FMNL2: variants seen among roughly 807,000 people sequenced by gnomAD.
FMNL2 encodes the protein formin like 2, also known as formin-like protein 2.
Under a neutral mutation model 130.2 loss-of-function variants are expected in FMNL2, and 51 were observed. The ratio of observed to expected loss-of-function variants is 0.39; its 90% CI spans 0.31 to 0.49. FMNL2 has a LOEUF of 0.49. Among genes scored for constraint, FMNL2 ranks in the 20% least tolerant of loss-of-function variants. The pLI is 0.85. For synonymous variants in FMNL2, 465 were observed against 467.1 expected, an observed-to-expected ratio of 1.00 and a Z score of 0.06; for missense variants, 977 against 1,316.2, an observed-to-expected ratio of 0.74 and a Z score of 3.99.
chr2:152,438,477 A>G (rs1236632133), intron 1 of FMNL2, among the ~76,000 whole-genome samples: 1 of 152,248 alleles, frequency 6.6e-6, no homozygotes, highest in Non-Finnish European at 1.5e-5. Context: ...GCAGAAATAC[A>G]GGACCAGTGT....
intron 1 of FMNL2, among the ~76,000 whole-genome samples, chr2:152,473,827 T>A (rs1012119013): frequency 2.0e-5 from 3 of 152,192 alleles, no homozygotes; most frequent in Admixed American, 6.5e-5. Flanking sequence ...TTGTGTAGTT[T>A]ATCACATTTG....
intron 25 of FMNL2, among the ~76,000 whole-genome samples, chr2:152,644,542 C>T (rs1414633672): frequency 1.3e-5 from 2 of 152,192 alleles, no homozygotes; most frequent in Non-Finnish European, 2.9e-5. Flanking sequence ...CTTTATGTCA[C>T]CCTACTTTAG....
rs571451199 is a variant in FMNL2 at position 152,418,363 on chromosome 2, T to A, written c.117+82643T>A. ...ACGGTTCAGTGGCATTAAGTACATTTGTATTGTTGGTGGTGCAATGATCTT... is the reference window on the plus strand; with the variant it reads ...ACGGTTCAGTGGCATTAAGTACATTAGTATTGTTGGTGGTGCAATGATCTT... On this transcript the variant is annotated intron_variant, in intron 1 of 25. Transcript: ENST00000288670. Among the ~76,000 whole-genome samples the A allele has an allele frequency of 1.4e-4, 22 of 152,348 alleles. No homozygotes were observed. The South Asian group carries it at 4.6e-3, about 32-fold the overall frequency.
chr2:152,351,732 G>T (rs1321877847), intron 1 of FMNL2, among the ~76,000 whole-genome samples: 1 of 152,014 alleles, frequency 6.6e-6, no homozygotes, highest in African/African-American at 2.4e-5. Context: ...GGGATTGCTG[G>T]GTCAAATGGT....
chr2:152,548,892 A>T, intron 3 of FMNL2, 129 bp from the exon 4 acceptor site: 1 of 719,528 alleles, frequency 1.4e-6, no homozygotes, highest in Non-Finnish European at 2.2e-6. Context: ...GCTCTGCAAC[A>T]AAAAAAGTGA....
intron 1 of FMNL2, among the ~76,000 whole-genome samples, chr2:152,439,606 C>T (rs1055115363): frequency 6.6e-6 from 1 of 151,876 alleles, no homozygotes; most frequent in Admixed American, 6.6e-5. Flanking sequence ...GCAGATTGTT[C>T]TTTAGCATTA....
At chr2:152,484,126 C>T (rs1183257211) in intron 1 of FMNL2, among the ~76,000 whole-genome samples, 4 of 152,162 alleles carry the variant, frequency 2.6e-5, no homozygotes, top group Non-Finnish European at 4.4e-5. Context: ...CTTTGCATAT[C>T]GTTTCTTTTG....
chr2:152,438,247 G>A (rs1036613877), intron 1 of FMNL2, among the ~76,000 whole-genome samples: 15 of 152,226 alleles, frequency 9.9e-5, no homozygotes, highest in African/African-American at 3.1e-4. Flanking sequence ...ATGGTGTAAT[G>A]TATTATTTAC....
At chr2:152,589,322 A>C (rs1192364651) in intron 9 of FMNL2, among the ~76,000 whole-genome samples, 1 of 102,076 alleles carries the variant, frequency 9.8e-6, no homozygotes, top group Non-Finnish European at 2.4e-5. Flanking sequence ...AACAAACAAA[A>C]AAAACAACAA....
intron 9 of FMNL2, among the ~76,000 whole-genome samples, chr2:152,589,154 C>T (rs1697246618): frequency 6.6e-6 from 1 of 151,846 alleles, no homozygotes; most frequent in South Asian, 2.1e-4. Context: ...TGCCCAGAGC[C>T]AGACCAGATT....
chr2:152,595,962 C>CT (rs542948085), intron 9 of FMNL2, among the ~76,000 whole-genome samples: 2,049 of 131,864 alleles, frequency 0.016, 48 homozygotes, highest in African/African-American at 0.047. Context: ...GCAAGGAAGT[C>CT]TTTTTTTTTT....
At chr2:152,561,437 C>G (rs538495106) in intron 6 of FMNL2, among the ~76,000 whole-genome samples, 76 of 152,202 alleles carry the variant, frequency 5.0e-4, no homozygotes, top group African/African-American at 1.8e-3. Context: ...CGCTCTCTTT[C>G]ATTTCTCCAG....
intron 1 of FMNL2, among the ~76,000 whole-genome samples, chr2:152,509,530 A>G (rs534993743): frequency 6.6e-6 from 1 of 152,040 alleles, no homozygotes; most frequent in Non-Finnish European, 1.5e-5. Flanking sequence ...CACATGTGAA[A>G]TGGCAACCAA....
chr2:152,560,841 G>A (rs774242191), intron 5 of FMNL2, 42 bp from the exon 6 acceptor site: 1 of 1,572,710 alleles, frequency 6.4e-7, no homozygotes, highest in Admixed American at 1.8e-5. Flanking sequence ...ACATGTGAAT[G>A]TGAATTTTTC....
At chr2:152,474,703 A>C (rs923115125) in intron 1 of FMNL2, among the ~76,000 whole-genome samples, 1 of 152,140 alleles carries the variant, frequency 6.6e-6, no homozygotes, top group Non-Finnish European at 1.5e-5. Flanking sequence ...AACAAAAAAC[A>C]AAAAACAGAT....
intron 1 of FMNL2, among the ~76,000 whole-genome samples, chr2:152,440,530 T>C (rs1687999822): frequency 1.3e-5 from 2 of 152,326 alleles, no homozygotes; most frequent in South Asian, 4.1e-4. Flanking sequence ...TAAAAAATAG[T>C]GTTTTCTTGG....
At chr2:152,603,012 C>G (rs1395288035) in intron 9 of FMNL2, among the ~76,000 whole-genome samples, 1 of 152,206 alleles carries the variant, frequency 6.6e-6, no homozygotes, top group African/African-American at 2.4e-5. Flanking sequence ...CCAACCTTCC[C>G]CAAACATATC....
At chr2:152,596,205 C>T (rs916622624) in intron 9 of FMNL2, among the ~76,000 whole-genome samples, 5 of 151,850 alleles carry the variant, frequency 3.3e-5, no homozygotes, top group Admixed American at 1.3e-4. Context: ...TCAAGTGATC[C>T]GCCCACCTCG....
chr2:152,622,165 A>T (rs956191621), intron 15 of FMNL2, among the ~76,000 whole-genome samples: 15 of 152,148 alleles, frequency 9.9e-5, no homozygotes, highest in African/African-American at 3.6e-4. Context: ...AGCAGGTGGA[A>T]CCTTTGCCGT....
Sources: gnomAD v4.1 joint callset for allele counts (sites outside exome capture counted in the v4.1 genomes callset) on GRCh38, gnomAD v4.1.1 for gene constraint, MANE v1.5 for transcripts, NCBI Gene and HGNC (gene_info 2026-07-23, HGNC 2026-07-21) for gene names.